The following TPR variants were observed in gnomAD, a reference collection of about 807,000 sequenced individuals.
The protein encoded by TPR is translocated promoter region, nuclear basket protein.
TPR carries 51 observed loss-of-function variants against 316.1 expected under a neutral mutation model. The observed-to-expected ratio is 0.16, with a 90% CI of 0.13 to 0.20. TPR has a LOEUF of 0.20. Among genes scored for constraint, TPR ranks in the 10% least tolerant of loss-of-function variants. The pLI is 1.00. For synonymous variants in TPR, 981 were observed against 914.7 expected (o/e 1.07, Z -1.31); for missense variants, 2,272 against 2,754.8 (o/e 0.82, Z 3.92).
At chr1:186,374,345 A>G (rs1227599816) in intron 1 of TPR, among the ~76,000 whole-genome samples, 1 of 152,238 alleles carries the variant, frequency 6.6e-6, no homozygotes, top group Non-Finnish European at 1.5e-5. Flanking sequence ...AAATCAAGAT[A>G]TATTAAATTT....
rs749196254 is a variant in TPR, at chr1:186,355,726, C to A, written c.1931G>T (p.Arg644Leu). 6.2e-7 allele frequency: 1 copy of A among 1,614,030 alleles called. No homozygotes were observed. Among genetic ancestry groups the A allele is most frequent in the African/African-American group, 1.3e-5 (1 of 75,012 alleles). The change falls in exon 16 of 51, where the codon CGT (arginine) becomes CTT (leucine). Residue 644 changes from arginine (R) to leucine (L), a missense_variant. By Grantham distance (102) the Arg-to-Leu change is moderately radical. This residue lies in a region of TPR where 757 missense variants were observed against 859.8 expected (regional missense o/e 0.88). Transcript: ENST00000367478. Reference protein sequence around the residue: ...DDVSLASTPKRPSTSQTVSTP... With the variant: ...DDVSLASTPKLPSTSQTVSTP... ...GGAAACAGTCTGTGATGTACTTGGACGTTTTGGAGTTGATGCAAGAGAAAC... is the reference window on the plus strand; with the variant it reads ...GGAAACAGTCTGTGATGTACTTGGAAGTTTTGGAGTTGATGCAAGAGAAAC...
chr1:186,324,068 G>A (rs973259114), intron 42 of TPR, among the ~76,000 whole-genome samples, 198 bp from the exon 43 acceptor site: 16 of 152,192 alleles, frequency 1.1e-4, no homozygotes, highest in African/African-American at 3.9e-4. Context: ...TCGCTGTGTG[G>A]CTTTGGGCAA....
In TPR at chr1:186,361,006, T is replaced by TA. The variant is rs1347179349; in HGVS notation, c.959-102dup. On this transcript the variant is annotated intron_variant, in intron 9 of 50. Transcript: ENST00000367478. ...CACTTCTCCCCTCAGCAGATAATAT[T>TA]AAATTTCTAGAGAGGCTTCAGCTGA... 5 of 1,239,610 alleles carry TA rather than the reference T, an allele frequency of 4.0e-6. No homozygotes were observed. The African/African-American group carries it at 7.6e-5, about 19-fold the overall frequency. The allele number at this position is 1,239,610 out of a possible 1,614,324, so 76.8% of individuals were successfully genotyped here.
chr1:186,343,283 C>G (rs746279465), intron 27 of TPR, 43 bp downstream of exon 27: 4 of 1,582,214 alleles, frequency 2.5e-6, no homozygotes, highest in Non-Finnish European at 3.4e-6. Context: ...GAGTGCTTCT[C>G]TTTTGATTTA....
rs180747875 is a variant in TPR, at chr1:186,353,086, C to T, written c.2334+602G>A. On this transcript the variant is annotated intron_variant, in intron 18 of 50. Transcript: ENST00000367478. ...GATGAGCAAGAATGAATAACATATT[C>T]GTCTGGCCAGGCACTGTGGCTCATG... Among the ~76,000 whole-genome samples the T allele has an allele frequency of 4.9e-3, 742 of 152,034 alleles. 5 individuals are homozygous for T. The highest frequency in any genetic ancestry group is 0.014 in the Middle Eastern group (4 of 294).
At chr1:186,336,103 G>A (rs1658331352) in intron 33 of TPR, among the ~76,000 whole-genome samples, 2 of 151,982 alleles carry the variant, frequency 1.3e-5, no homozygotes, top group Admixed American at 1.3e-4. Context: ...AAAGCTAGAG[G>A]GGTCCTCCAC....
intron 24 of TPR, among the ~76,000 whole-genome samples, chr1:186,345,142 AATG>A (rs1237557146): frequency 6.6e-6 from 1 of 152,222 alleles, no homozygotes; most frequent in Non-Finnish European, 1.5e-5. Flanking sequence ...CACTCAAAAT[AATG>A]ATACTTTTTT....
At chr1:186,329,871 T>C (rs1658107306) in intron 39 of TPR, among the ~76,000 whole-genome samples, 1 of 152,192 alleles carries the variant, frequency 6.6e-6, no homozygotes, top group Admixed American at 6.6e-5. Context: ...TCCAGAAAGT[T>C]TATACAGACA....
rs1183223985 is a variant in TPR at position 186,347,322 on chromosome 1, A to T, written c.2913T>A (p.Ser971Arg). 6.2e-7 allele frequency: 1 copy of T among 1,613,900 alleles called. No homozygotes were observed. Among genetic ancestry groups the T allele is most frequent in the Non-Finnish European group, 8.5e-7 (1 of 1,179,928 alleles). Residue 971 changes from serine (S) to arginine (R), a missense_variant, in exon 22 of 51, where the codon AGT (serine) becomes AGA (arginine). By Grantham distance (110) the Ser-to-Arg change is moderately radical (BLOSUM62 -1). Coordinates refer to ENST00000367478, the MANE Select transcript of TPR (RefSeq NM_003292.3). ...TTTCCTTGTTCAGGGATTCTTCTAAACTAGTAACCATTGCTTGATATTGTT... is the reference window on the plus strand; with the variant it reads ...TTTCCTTGTTCAGGGATTCTTCTAATCTAGTAACCATTGCTTGATATTGTT... ...NVEQYQAMVTSLEESLNKEKQ... is the reference protein window; with the variant it reads ...NVEQYQAMVTRLEESLNKEKQ...
intron 49 of TPR, among the ~76,000 whole-genome samples, chr1:186,316,071 T>C (rs980258136): frequency 5.9e-5 from 9 of 151,842 alleles, no homozygotes; most frequent in Non-Finnish European, 1.3e-4. Context: ...AATTTCATAT[T>C]ATACTTTAAA....
rs931840713 is a variant in TPR, at chr1:186,323,663, A to G, written c.6297+23T>C. The G allele has an allele frequency of 4.2e-6, 6 of 1,424,758 alleles. No individual in the cohort carries two copies. In the African/African-American group the frequency reaches 9.0e-5, roughly 21 times the overall value. 88.3% of individuals were successfully genotyped at this position (1,424,758 alleles called of 1,614,324 possible). On this transcript the variant is annotated intron_variant, in intron 43 of 50. Coordinates refer to ENST00000367478, the MANE Select transcript of TPR (RefSeq NM_003292.3). The stretch of plus-strand genomic sequence containing the variant: ...AAGATTTTTTTCAAGTTCATTTTTC[A>G]TAATGACCAGTACTTTTAATACCTG...
chr1:186,326,688 A>G (rs1418030005), intron 40 of TPR, among the ~76,000 whole-genome samples: 1 of 151,540 alleles, frequency 6.6e-6, no homozygotes, highest in Non-Finnish European at 1.5e-5. Context: ...TTTATATATA[A>G]AAAAATGACA....
rs757638153 is a variant in TPR at position 186,314,651 on chromosome 1, A to G, written c.7014T>C (p.Gly2338=). ...LQTTLRQGVR[G]RQFNRQRGVS... ...CACCTCTCTGTCTGTTAAACTGACG[A>G]CCACGGACACCTTGTCTCAATGTTG... Residue 2338 remains glycine (G), a synonymous_variant, in exon 50 of 51, where the codon GGT becomes GGC. Coordinates refer to ENST00000367478, the MANE Select transcript of TPR (RefSeq NM_003292.3). 6.2e-7 allele frequency: 1 copy of G among 1,612,240 alleles called. No homozygotes were observed. Among genetic ancestry groups the G allele is most frequent in the South Asian group, 1.1e-5 (1 of 90,922 alleles).
chr1:186,354,417 CTT>C (rs368867115), intron 17 of TPR, among the ~76,000 whole-genome samples: 2 of 152,132 alleles, frequency 1.3e-5, no homozygotes, highest in African/African-American at 4.8e-5. Context: ...TTTGCTAATC[CTT>C]TTTTCTTCTA....
At chr1:186,357,249 T>A (rs1659057050) in intron 14 of TPR, 148 bp downstream of exon 14, 1 of 697,572 alleles carries the variant, frequency 1.4e-6, no homozygotes, top group Non-Finnish European at 2.4e-6. Flanking sequence ...GGTCTCACTA[T>A]GTCGTCCAGG....
Position 186,336,675 on chromosome 1 carries a change from G to A in TPR, c.4526C>T (p.Thr1509Ile), listed in dbSNP as rs1454138052. The A allele has an allele frequency of 6.2e-7, 1 of 1,613,272 alleles. No individual in the cohort carries two copies. The highest frequency in any genetic ancestry group is 1.1e-5 in the South Asian group (1 of 91,050). Residue 1509 changes from threonine (T) to isoleucine (I), a missense_variant, in exon 33 of 51, where the codon ACA (threonine) becomes ATA (isoleucine). Around this residue, in one of 10 missense-constraint regions of TPR, gnomAD observed 101 missense variants for 113.0 expected, o/e 0.89. Transcript: ENST00000367478. Reference protein sequence around the residue: ...NLQKTLSEKETEARNLQEQTV... With the variant: ...NLQKTLSEKEIEARNLQEQTV... Reference sequence around the variant, plus strand: ...CTGTTCCTGGAGATTTCTTGCTTCTGTCTCTTTTTCAGATAATGTCTTTAA... The same window carrying A: ...CTGTTCCTGGAGATTTCTTGCTTCTATCTCTTTTTCAGATAATGTCTTTAA...
At chr1:186,335,688 A>G (rs1180656690) in intron 33 of TPR, 145 bp from the exon 34 acceptor site, 1 of 528,406 alleles carries the variant, frequency 1.9e-6, no homozygotes, top group South Asian at 4.0e-5. Context: ...CTCAATGAGC[A>G]AAGTTCTAAG....
In TPR at chr1:186,345,785, A is replaced by AT. The variant is rs1447528327; in HGVS notation, c.3097-90dup. 71 of 942,730 alleles carry AT rather than the reference A, an allele frequency of 7.5e-5. No individual in the cohort carries two copies. In the East Asian group the frequency reaches 1.7e-3, roughly 23 times the overall value. The allele number at this position is 942,730 out of a possible 1,614,324, so 58.4% of individuals were successfully genotyped here. ...TGTAGTGTTACTAAATTGAAGTCTCATTTTTTAAGATCCAATTAGCCCAAA... is the reference window on the plus strand; with the variant it reads ...TGTAGTGTTACTAAATTGAAGTCTCATTTTTTTAAGATCCAATTAGCCCAAA... On this transcript the variant is annotated intron_variant, in intron 23 of 50. Transcript: ENST00000367478.
intron 27 of TPR, chr1:186,341,871 T>C (rs2102072929): frequency 6.7e-6 from 1 of 148,672 alleles, no homozygotes; most frequent in East Asian, 2.0e-4. Flanking sequence ...CTTCTGCACT[T>C]GGTATTACTT....
Sources: allele counts gnomAD v4.1 joint callset (sites outside exome capture counted in the v4.1 genomes callset), GRCh38; gene constraint gnomAD v4.1.1; regional missense constraint gnomAD v4.1.1; transcripts MANE v1.5; gene names NCBI Gene and HGNC (gene_info 2026-07-23, HGNC 2026-07-21).